Variants in HDAC9 observed in about 807,000 individuals in gnomAD.
HDAC9 encodes MEF-2 interacting transcription repressor (MITR) protein.
HDAC9 carries 41 observed loss-of-function variants against 139.4 expected under a neutral mutation model. That is an observed-to-expected ratio of 0.29 (90% CI 0.23 to 0.38). The LOEUF (loss-of-function observed/expected upper bound fraction) is 0.38, where lower values mean the gene tolerates loss of function less well. Ranked by LOEUF, HDAC9 falls within the 10% of genes least tolerant of loss-of-function variation. HDAC9 has a pLI of 1.00. For synonymous variants in HDAC9, 517 were observed against 476.2 expected, an observed-to-expected ratio of 1.09 and a Z score of -1.12; for missense variants, 1,147 against 1,297.0, an observed-to-expected ratio of 0.88 and a Z score of 1.78.
At position 18,644,781 on chromosome 7, in the gene HDAC9, A is replaced by G. The variant is rs1786836451; in HGVS notation, c.1023A>G (p.Pro341=). Residue 341 remains proline (P), a synonymous_variant, in exon 9 of 26, where the codon CCA becomes CCG. Transcript: ENST00000686413. ...TTACCTTGGGGCTTCCCGCAGTGCC[A>G]TCCCAGCTCAATGTAAGTCATTGCA... ...PNITLGLPAV[P]SQLNASNSLK... The G allele has an allele frequency of 6.2e-7, 1 of 1,611,274 alleles. No individual in the cohort carries two copies. Among genetic ancestry groups the G allele is most frequent in the Non-Finnish European group, 8.5e-7 (1 of 1,178,560 alleles).
chr7:18,214,552 T>C lies in HDAC9; in HGVS notation c.25+52203T>C, dbSNP rs149846346. Among the ~76,000 whole-genome samples, 1,063 of 152,260 alleles carry C rather than the reference T, an allele frequency of 7.0e-3. 15 individuals are homozygous for C. The highest frequency in any genetic ancestry group is 0.025 in the African/African-American group (1,029 of 41,574). On this transcript the variant is annotated intron_variant, in intron 2 of 12. Coordinates refer to the HDAC9 transcript ENST00000417496. Reference sequence around the variant, plus strand: ...TGCTGGGGAAAAAATCTCACTTTGATGCTTTTCCAGTATATAGTTAAGAAT... The same window carrying C: ...TGCTGGGGAAAAAATCTCACTTTGACGCTTTTCCAGTATATAGTTAAGAAT...
At chr7:18,782,696 T>G (rs2129171765) in intron 16 of HDAC9, among the ~76,000 whole-genome samples, 2 of 68,920 alleles carry the variant, frequency 2.9e-5, no homozygotes, top group Middle Eastern at 0.016. Flanking sequence ...AGAAGCAAAA[T>G]GCGGGGATTT....
chr7:18,410,171 A>G (rs2128743431), intron 1 of HDAC9, among the ~76,000 whole-genome samples: 1 of 152,268 alleles, frequency 6.6e-6, no homozygotes, highest in Admixed American at 6.5e-5. Context: ...GCACTTGTTG[A>G]AAAATTCATT....
At chr7:18,814,713 A>G (rs1388165340) in intron 17 of HDAC9, among the ~76,000 whole-genome samples, 2 of 152,164 alleles carry the variant, frequency 1.3e-5, no homozygotes, top group East Asian at 1.9e-4. Context: ...TTTGTATTCA[A>G]TTGCCTAGTT....
intron 2 of HDAC9, among the ~76,000 whole-genome samples, chr7:18,256,904 A>C (rs1358577812): frequency 6.6e-6 from 1 of 151,920 alleles, no homozygotes; most frequent in Non-Finnish European, 1.5e-5. Context: ...ACTGGGCAAC[A>C]TAGTAAGGCC....
At chr7:18,733,899 G>C (rs1480607135) in intron 13 of HDAC9, among the ~76,000 whole-genome samples, 4 of 151,826 alleles carry the variant, frequency 2.6e-5, no homozygotes, top group African/African-American at 9.7e-5. Context: ...TGGGAAGCCT[G>C]GTTTTTCTTT....
At chr7:18,718,021 G>A (rs1037359774) in intron 12 of HDAC9, among the ~76,000 whole-genome samples, 38 of 151,968 alleles carry the variant, frequency 2.5e-4, no homozygotes, top group African/African-American at 8.9e-4. Flanking sequence ...ACAATTCAGT[G>A]GTTTTTCGTA....
At chr7:18,298,366 A>T (rs1049394643) in intron 1 of HDAC9, among the ~76,000 whole-genome samples, 1 of 151,546 alleles carries the variant, frequency 6.6e-6, no homozygotes, top group African/African-American at 2.4e-5. Flanking sequence ...TACATGTGCC[A>T]TGCTGGTGCG....
intron 6 of HDAC9, among the ~76,000 whole-genome samples, chr7:18,626,443 G>A (rs896202386): frequency 6.6e-6 from 1 of 152,176 alleles, no homozygotes; most frequent in Non-Finnish European, 1.5e-5. Flanking sequence ...ATCTGTTGGG[G>A]GGAAAATGAA....
chr7:18,934,732 G>T (rs928571316), intron 22 of HDAC9, among the ~76,000 whole-genome samples: 2 of 152,122 alleles, frequency 1.3e-5, no homozygotes, highest in Non-Finnish European at 2.9e-5. Flanking sequence ...TGTTTCTGAG[G>T]GTGGGGCTTG....
At chr7:18,187,540 C>G (rs1790009271) in intron 2 of HDAC9, among the ~76,000 whole-genome samples, 1 of 152,188 alleles carries the variant, frequency 6.6e-6, no homozygotes, top group East Asian at 1.9e-4. Context: ...CTTTAAAACT[C>G]TTAACTCTAT....
intron 1 of HDAC9, among the ~76,000 whole-genome samples, chr7:18,385,342 A>G (rs1318682017): frequency 6.6e-6 from 1 of 152,094 alleles, no homozygotes; most frequent in South Asian, 2.1e-4. Flanking sequence ...TTCTAAAATC[A>G]TATCATTTTC....
At chr7:18,326,711 T>C (rs1218004574) in intron 1 of HDAC9, among the ~76,000 whole-genome samples, 2 of 152,052 alleles carry the variant, frequency 1.3e-5, no homozygotes, top group Non-Finnish European at 2.9e-5. Flanking sequence ...TAGCTAAGAC[T>C]TGTTTACTGC....
chr7:18,985,166 G>T (rs576303369), intron 25 of HDAC9, among the ~76,000 whole-genome samples: 1 of 152,020 alleles, frequency 6.6e-6, no homozygotes, highest in East Asian at 1.9e-4. Flanking sequence ...CTGGTGCGCT[G>T]CACCCACTAA....
At chr7:18,679,312 A>G (rs1358163134) in intron 12 of HDAC9, among the ~76,000 whole-genome samples, 1 of 152,002 alleles carries the variant, frequency 6.6e-6, no homozygotes, top group African/African-American at 2.4e-5. Flanking sequence ...ACATATACAG[A>G]CAAACACAGA....
chr7:18,250,406 C>T (rs1013593605), intron 2 of HDAC9, among the ~76,000 whole-genome samples: 6 of 152,186 alleles, frequency 3.9e-5, no homozygotes, highest in Middle Eastern at 3.2e-3. Context: ...AGCAAACCTT[C>T]CAACTTTTAT....
intron 24 of HDAC9, among the ~76,000 whole-genome samples, chr7:18,965,537 A>G (rs1035131251): frequency 2.6e-5 from 4 of 152,226 alleles, no homozygotes; most frequent in Non-Finnish European, 4.4e-5. Context: ...GTGCAGGCAT[A>G]GGGAGAAAAG....
At chr7:18,167,745 T>C (rs953370291) in intron 2 of HDAC9, among the ~76,000 whole-genome samples, 10 of 152,156 alleles carry the variant, frequency 6.6e-5, no homozygotes, top group Admixed American at 2.6e-4. Flanking sequence ...GAGTGGAATT[T>C]AGCCACGTGG....
intron 24 of HDAC9, among the ~76,000 whole-genome samples, chr7:18,959,555 G>A (rs1284632328): frequency 6.6e-6 from 1 of 152,146 alleles, no homozygotes; most frequent in Non-Finnish European, 1.5e-5. Context: ...AAAAACACCA[G>A]TGTAGGAGAT....
Sources: allele counts gnomAD v4.1 joint callset (sites outside exome capture counted in the v4.1 genomes callset), GRCh38; gene constraint gnomAD v4.1.1; transcripts MANE v1.5; gene names NCBI Gene and HGNC (gene_info 2026-07-23, HGNC 2026-07-21).